The following TXNRD1 variants were observed in gnomAD, a reference collection of about 807,000 sequenced individuals.
TXNRD1 encodes the protein thioredoxin reductase 1, cytoplasmic.
In TXNRD1, 57 loss-of-function variants were observed where a neutral mutation model predicts 80.3. The ratio of observed to expected loss-of-function variants is 0.71; its 90% CI spans 0.57 to 0.89. The LOEUF (loss-of-function observed/expected upper bound fraction) is 0.89, where lower values mean the gene tolerates loss of function less well. Ranked by LOEUF, TXNRD1 falls within the 40% of genes least tolerant of loss-of-function variation. The probability of loss-of-function intolerance (pLI) is 0.00; values close to 1 mark genes in which losing one functional copy is unlikely to be tolerated. For synonymous variants in TXNRD1, 291 were observed against 285.2 expected (o/e 1.02, Z -0.20); for missense variants, 730 against 803.0 (o/e 0.91, Z 1.10).
At chr12:104,323,456 C>T (rs1313974951) in intron 10 of TXNRD1, among the ~76,000 whole-genome samples, 2 of 140,222 alleles carry the variant, frequency 1.4e-5, no homozygotes, top group East Asian at 2.2e-4. Context: ...CAGAGGGGCT[C>T]CTCACTTCCC....
Position 104,277,399 on chromosome 12 carries a change from CA to C in TXNRD1, c.305-11516del, listed in dbSNP as rs373722163. Among the ~76,000 whole-genome samples the C allele has an allele frequency of 2.5e-3, 341 of 134,544 alleles. 1 individual carries two copies. The highest frequency in any genetic ancestry group is 6.8e-3 in the African/African-American group (242 of 35,684). The allele number at this position is 134,544 out of a possible 152,430, so 88.3% of individuals were successfully genotyped here. A position where few individuals can be genotyped will look rare whatever the true frequency, so the allele number is the denominator to read the frequency against. On this transcript the variant is annotated intron_variant, in intron 3 of 16. Coordinates refer to ENST00000525566, the MANE Select transcript of TXNRD1 (RefSeq NM_001093771.3). ...TGGGCAACAAAGTAAGACTCTGTCTCAAAAAAAAAAAAAAAATTAGTCAGGC... is the reference window on the plus strand; with the variant it reads ...TGGGCAACAAAGTAAGACTCTGTCTCAAAAAAAAAAAAAAATTAGTCAGGC...
intron 16 of TXNRD1, among the ~76,000 whole-genome samples, chr12:104,343,063 C>T (rs1050728279): frequency 1.8e-4 from 28 of 152,320 alleles, no homozygotes; most frequent in African/African-American, 6.3e-4. Flanking sequence ...CAAGAGCAGA[C>T]TCGAGGTGAC....
chr12:104,252,662 T>TCTATATATATATATATATATA (rs756948232), intron 2 of TXNRD1, among the ~76,000 whole-genome samples: 1 of 45,820 alleles, frequency 2.2e-5, no homozygotes, highest in African/African-American at 8.5e-5. Flanking sequence ...TTATTATTTT[T>TCTATATATATATATATATATA]TATATATATA....
chr12:104,312,811 C>T (rs1056526237), intron 5 of TXNRD1, among the ~76,000 whole-genome samples: 2 of 152,162 alleles, frequency 1.3e-5, no homozygotes, highest in Non-Finnish European at 2.9e-5. Context: ...TTAGATTAAA[C>T]TTTAAAATGA....
In TXNRD1 at chr12:104,240,977, G is replaced by A. The variant is rs1265586611; in HGVS notation, c.92-10550G>A. Among the ~76,000 whole-genome samples, 11 of 151,774 alleles carry A rather than the reference G, an allele frequency of 7.2e-5. No homozygotes were observed. In the East Asian group the frequency reaches 2.1e-3, roughly 29 times the overall value. On this transcript the variant is annotated intron_variant, in intron 1 of 16. Coordinates refer to ENST00000525566, the MANE Select transcript of TXNRD1 (RefSeq NM_001093771.3). ...AGGATGGTCTCGATCTCCTGACTTCGTGATCCGCCCGCCTCGGCCTCTCAA... is the reference window on the plus strand; with the variant it reads ...AGGATGGTCTCGATCTCCTGACTTCATGATCCGCCCGCCTCGGCCTCTCAA...
intron 7 of TXNRD1, among the ~76,000 whole-genome samples, chr12:104,317,151 A>G (rs1304366968): frequency 6.6e-6 from 1 of 152,172 alleles, no homozygotes; most frequent in Non-Finnish European, 1.5e-5. Flanking sequence ...TTTGTAAAAC[A>G]TTGATAATTA....
chr12:104,342,191 T>C (rs1017592792), intron 16 of TXNRD1, among the ~76,000 whole-genome samples: 1 of 152,104 alleles, frequency 6.6e-6, no homozygotes, highest in Non-Finnish European at 1.5e-5. Context: ...TCCCCAGATG[T>C]AGGGGACCAG....
Position 104,221,516 on chromosome 12 carries a change from C to T in TXNRD1, c.91+5623C>T, listed in dbSNP as rs151090648. On this transcript the variant is annotated intron_variant, in intron 1 of 16. Coordinates refer to ENST00000525566, the MANE Select transcript of TXNRD1 (RefSeq NM_001093771.3). ...ATTTTTTGTAAAGACAAGGGTTTCT[C>T]CATGTTGGTCAGGTTGGTCTCCAAC... 7.9e-3 allele frequency among the ~76,000 whole-genome samples: 1,198 copies of T among 152,122 alleles called. 20 individuals are homozygous for T. The highest frequency in any genetic ancestry group is 0.027 in the African/African-American group (1,126 of 41,514).
intron 3 of TXNRD1, among the ~76,000 whole-genome samples, chr12:104,269,548 T>C (rs1232502872): frequency 6.6e-6 from 1 of 151,660 alleles, no homozygotes; most frequent in Non-Finnish European, 1.5e-5. Context: ...TACAGGCACA[T>C]GCTACCACAC....
intron 10 of TXNRD1, among the ~76,000 whole-genome samples, chr12:104,325,000 A>G (rs142680132): frequency 1.3e-4 from 20 of 152,314 alleles, no homozygotes; most frequent in Non-Finnish European, 2.4e-4. Flanking sequence ...GGTGAATCAC[A>G]AGATAGAAAC....
chr12:104,248,720 GC>G (rs2033046838), intron 1 of TXNRD1, among the ~76,000 whole-genome samples: 1 of 152,188 alleles, frequency 6.6e-6, no homozygotes, highest in Non-Finnish European at 1.5e-5. Context: ...TCCACTTACG[GC>G]AGATACTGCA....
At chr12:104,334,606 G>C (rs147074618) in intron 15 of TXNRD1, among the ~76,000 whole-genome samples, 3 of 152,108 alleles carry the variant, frequency 2.0e-5, no homozygotes, top group Non-Finnish European at 4.4e-5. Flanking sequence ...ACCTGACCTC[G>C]TAATCTGCCT....
At chr12:104,287,441 C>A in intron 3 of TXNRD1, 2 of 1,613,088 alleles carry the variant, frequency 1.2e-6, no homozygotes, top group South Asian at 1.1e-5. Flanking sequence ...GGTATTGTAT[C>A]GTTTCTTACA....
chr12:104,323,816 C>CG, intron 10 of TXNRD1, among the ~76,000 whole-genome samples: 1 of 151,298 alleles, frequency 6.6e-6, no homozygotes, highest in Non-Finnish European at 1.5e-5. Flanking sequence ...GCTGACCCCC[C>CG]CCCACCTCCC....
At chr12:104,262,096 G>T (rs1406163196) in intron 3 of TXNRD1, among the ~76,000 whole-genome samples, 2 of 151,902 alleles carry the variant, frequency 1.3e-5, no homozygotes, top group Non-Finnish European at 2.9e-5. Flanking sequence ...GCCAGGCATG[G>T]TGGTGGGCGC....
At position 104,327,688 on chromosome 12, in the gene TXNRD1, T is replaced by G; in HGVS notation, c.1542+17T>G. 6.2e-7 allele frequency: 1 copy of G among 1,612,694 alleles called. No individual in the cohort carries two copies. Among genetic ancestry groups the G allele is most frequent in the African/African-American group, 1.3e-5 (1 of 74,842 alleles). On this transcript the variant is annotated intron_variant, in intron 13 of 16. Coordinates refer to ENST00000525566, the MANE Select transcript of TXNRD1 (RefSeq NM_001093771.3). ...ACTGTCAAGGTGAGTGTTGTGCTTG[T>G]TGCCCATTAGATACTGTTGTCAGTA... is the stretch of plus-strand genomic sequence containing the variant.
chr12:104,325,422 A>T lies in TXNRD1; in HGVS notation c.1301A>T (p.Tyr434Phe). The part of the protein sequence containing the change: ...TNSEEIIEGE[Y>F]NTVMLAIGRD... ...AGTGAGGAAATCATTGAAGGAGAAT[A>T]TAATACGGTAAGGAATGGGCCCAGG... The change falls in exon 11 of 17, where the codon TAT becomes TTT. Residue 434 changes from tyrosine (Y) to phenylalanine (F), a missense_variant. Tyr to Phe is a conservative substitution (Grantham distance 22). Transcript: ENST00000525566. The T allele has an allele frequency of 6.2e-7, 1 of 1,609,618 alleles. No individual in the cohort carries two copies. Among genetic ancestry groups the T allele is most frequent in the East Asian group, 2.2e-5 (1 of 44,854 alleles).
chr12:104,290,976 A>C, intron 4 of TXNRD1: 1 of 660,244 alleles, frequency 1.5e-6, no homozygotes, highest in East Asian at 2.8e-5. Flanking sequence ...TTTAATTGAA[A>C]ACTTTTTTTT....
chr12:104,305,455 A>G (rs1047179242), intron 4 of TXNRD1, among the ~76,000 whole-genome samples: 1 of 152,230 alleles, frequency 6.6e-6, no homozygotes, highest in African/African-American at 2.4e-5. Flanking sequence ...GTGAGTATCC[A>G]TATTCTAAAC....
Sources: allele counts gnomAD v4.1 joint callset (sites outside exome capture counted in the v4.1 genomes callset), GRCh38; gene constraint gnomAD v4.1.1; transcripts MANE v1.5; gene names NCBI Gene and HGNC (gene_info 2026-07-23, HGNC 2026-07-21).